SORCS2: variants seen among roughly 807,000 people sequenced by gnomAD.
SORCS2 encodes VPS10 domain-containing receptor SorCS2.
Under a neutral mutation model 141.6 loss-of-function variants are expected in SORCS2, and 100 were observed. That is an observed-to-expected ratio of 0.71 (90% CI 0.60 to 0.83). The LOEUF is 0.83. SORCS2 is among the 40% of genes least tolerant of loss of function. The probability of loss-of-function intolerance (pLI) is 0.00; values close to 1 mark genes in which losing one functional copy is unlikely to be tolerated. For synonymous variants in SORCS2, 789 were observed against 676.9 expected (o/e 1.17, Z -2.57); for missense variants, 1,646 against 1,560.2 (o/e 1.05, Z -0.93).
intron 2 of SORCS2, among the ~76,000 whole-genome samples, chr4:7,422,739 C>T (rs796520045): frequency 1.5e-4 from 23 of 152,290 alleles, no homozygotes; most frequent in Middle Eastern, 3.4e-3. Flanking sequence ...CGCCGTCTCT[C>T]GCCTGGACGC....
At chr4:7,411,877 C>T (rs552923483) in intron 2 of SORCS2, among the ~76,000 whole-genome samples, 2 of 152,272 alleles carry the variant, frequency 1.3e-5, no homozygotes, top group Admixed American at 6.5e-5. Context: ...TCCCAGACAC[C>T]ACAGCCTCCC....
chr4:7,454,293 G>A (rs1345480777), intron 2 of SORCS2, among the ~76,000 whole-genome samples: 20 of 104,370 alleles, frequency 1.9e-4, no homozygotes, highest in South Asian at 3.8e-4. Flanking sequence ...GGGGTCAGGC[G>A]CTGTGTTGGG....
At chr4:7,605,070 A>C (rs1012221384) in intron 3 of SORCS2, among the ~76,000 whole-genome samples, 6 of 152,228 alleles carry the variant, frequency 3.9e-5, no homozygotes, top group African/African-American at 1.4e-4. Context: ...AGAAATCTGG[A>C]GGAGGTCAGC....
chr4:7,446,079 G>A (rs1166166897), intron 2 of SORCS2, among the ~76,000 whole-genome samples: 1 of 144,892 alleles, frequency 6.9e-6, no homozygotes, highest in African/African-American at 2.6e-5. Context: ...CTTCCTCCCT[G>A]TCTTCTCTTC....
chr4:7,481,028 C>T (rs565876322), intron 2 of SORCS2, among the ~76,000 whole-genome samples: 50 of 152,374 alleles, frequency 3.3e-4, no homozygotes, highest in South Asian at 2.5e-3. Context: ...CGACTGTCCT[C>T]CCTTTTCTTT....
intron 4 of SORCS2, among the ~76,000 whole-genome samples, chr4:7,646,361 G>A (rs1397710510): frequency 6.6e-6 from 1 of 152,232 alleles, no homozygotes; most frequent in East Asian, 1.9e-4. Context: ...TTCCTATGTT[G>A]AAATTCTAAC....
chr4:7,736,433 C>A (rs77640827), intron 25 of SORCS2, among the ~76,000 whole-genome samples: 9 of 152,232 alleles, frequency 5.9e-5, no homozygotes, highest in Non-Finnish European at 1.2e-4. Context: ...CTGAGAAAGC[C>A]CCCCTCTCCC....
At chr4:7,280,013 C>T (rs2108857457) in intron 1 of SORCS2, among the ~76,000 whole-genome samples, 1 of 152,206 alleles carries the variant, frequency 6.6e-6, no homozygotes, top group African/African-American at 2.4e-5. Flanking sequence ...TGACTGGACT[C>T]AGATCAAATG....
chr4:7,215,530 C>G (rs916238855), intron 1 of SORCS2, among the ~76,000 whole-genome samples: 2 of 152,266 alleles, frequency 1.3e-5, no homozygotes, highest in African/African-American at 2.4e-5. Flanking sequence ...TGGCGCCGGA[C>G]TGGCAGGCAG....
chr4:7,526,053 A>G (rs946354781), intron 2 of SORCS2, among the ~76,000 whole-genome samples: 1 of 151,696 alleles, frequency 6.6e-6, no homozygotes, highest in Admixed American at 6.6e-5. Context: ...TCTCCTCCTC[A>G]GTCACCTGTC....
At chr4:7,528,562 A>C (rs540206484) in intron 2 of SORCS2, among the ~76,000 whole-genome samples, 1 of 152,172 alleles carries the variant, frequency 6.6e-6, no homozygotes, top group African/African-American at 2.4e-5. Context: ...AGTACCTGGG[A>C]TTACAGGCGC....
intron 1 of SORCS2, among the ~76,000 whole-genome samples, chr4:7,208,922 A>C (rs1020781319): frequency 2.6e-5 from 4 of 152,274 alleles, no homozygotes; most frequent in Admixed American, 2.6e-4. Context: ...GGGGGTGGGC[A>C]GCGTGTGGAG....
intron 2 of SORCS2, among the ~76,000 whole-genome samples, chr4:7,483,105 G>A (rs149720958): frequency 0.016 from 2,488 of 152,166 alleles, 60 homozygotes; most frequent in African/African-American, 0.057. Flanking sequence ...GGGATCATGA[G>A]GTCAGGAGAT....
rs976821881 is a variant in SORCS2, at chr4:7,689,386, C to T, written c.1489-100C>T. Reference sequence around the variant, plus strand: ...CAAGGCACTCCTGGCCCAGCCTTCTCTCCCAAAAAGCCACAGGGGCAGATT... The same window carrying T: ...CAAGGCACTCCTGGCCCAGCCTTCTTTCCCAAAAAGCCACAGGGGCAGATT... On this transcript the variant is annotated intron_variant, in intron 10 of 26. Transcript: ENST00000507866. 4.4e-6 allele frequency: 5 copies of T among 1,142,656 alleles called. 1 individual carries two copies. The Admixed American group carries it at 1.0e-4, about 24-fold the overall frequency. 70.8% of individuals were successfully genotyped at this position (1,142,656 alleles called of 1,614,324 possible). A position where few individuals can be genotyped will look rare whatever the true frequency, so the allele number is the denominator to read the frequency against.
At chr4:7,569,911 A>C (rs1715274068) in intron 3 of SORCS2, among the ~76,000 whole-genome samples, 1 of 151,806 alleles carries the variant, frequency 6.6e-6, no homozygotes, top group Non-Finnish European at 1.5e-5. Context: ...CCTCCTCCCC[A>C]CCCCTGTGGA....
At chr4:7,476,839 C>A (rs1013389612) in intron 2 of SORCS2, among the ~76,000 whole-genome samples, 22 of 152,222 alleles carry the variant, frequency 1.4e-4, no homozygotes, top group African/African-American at 5.1e-4. Context: ...CCAGCATTGC[C>A]TACTGTCTGT....
intron 2 of SORCS2, among the ~76,000 whole-genome samples, chr4:7,398,982 G>A (rs1724397033): frequency 6.6e-6 from 1 of 152,218 alleles, no homozygotes; most frequent in African/African-American, 2.4e-5. Context: ...GCATCCTGCT[G>A]GCGACTTTTC....
chr4:7,475,687 G>C (rs1285834992), intron 2 of SORCS2, among the ~76,000 whole-genome samples: 3 of 152,154 alleles, frequency 2.0e-5, no homozygotes, highest in African/African-American at 7.2e-5. Flanking sequence ...ATGCACTCAT[G>C]CATGTTCATG....
chr4:7,739,079 C>T (rs1712439863), intron 26 of SORCS2, among the ~76,000 whole-genome samples: 1 of 152,210 alleles, frequency 6.6e-6, no homozygotes, highest in East Asian at 1.9e-4. Flanking sequence ...TTCCCGGAGG[C>T]AGTCATCGAC....
Sources: gnomAD v4.1 joint callset for allele counts (sites outside exome capture counted in the v4.1 genomes callset) on GRCh38, gnomAD v4.1.1 for gene constraint, MANE v1.5 for transcripts, NCBI Gene and HGNC (gene_info 2026-07-23, HGNC 2026-07-21) for gene names.